Variants in PRKCE observed in about 807,000 individuals in gnomAD.
PRKCE encodes the protein protein kinase C epsilon.
PRKCE carries 16 observed loss-of-function variants against 85.4 expected under a neutral mutation model. The observed-to-expected ratio is 0.19, with a 90% CI of 0.13 to 0.28. PRKCE has a LOEUF of 0.28. PRKCE is among the 10% of genes least tolerant of loss of function. PRKCE has a pLI of 1.00. For missense variants in PRKCE, 573 were observed against 975.2 expected (o/e 0.59, Z 5.49); for synonymous variants, 388 against 371.5 (o/e 1.04, Z -0.51).
intron 1 of PRKCE, chr2:45,675,499 C>G (rs1017177066): frequency 3.9e-5 from 6 of 152,210 alleles, no homozygotes; most frequent in African/African-American, 1.2e-4. Flanking sequence ...TGAATCATAA[C>G]AGTTGCATTT....
At chr2:45,867,175 C>A (rs372618298) in intron 2 of PRKCE, among the ~76,000 whole-genome samples, 2 of 152,126 alleles carry the variant, frequency 1.3e-5, no homozygotes, top group African/African-American at 4.8e-5. Flanking sequence ...AAAATCCAGA[C>A]AGAAAAACAG....
intron 1 of PRKCE, among the ~76,000 whole-genome samples, chr2:45,840,947 G>T (rs2105471923): frequency 6.6e-6 from 1 of 152,234 alleles, no homozygotes; most frequent in Admixed American, 6.5e-5. Flanking sequence ...TCCTTCCTGG[G>T]GACAGAGCCT....
At position 45,849,578 on chromosome 2, in the gene PRKCE, G is replaced by A. The variant is rs771739583; in HGVS notation, c.412+6515G>A. 2.3e-4 allele frequency among the ~76,000 whole-genome samples: 35 copies of A among 152,148 alleles called. 1 individual carries two copies. The highest frequency in any genetic ancestry group is 3.8e-4 in the Non-Finnish European group (26 of 68,034). ...TCCCAAACAGGGGACCTCAAAGCCA[G>A]ACACCAGCTCCAAGGTGCTGATCAG... On this transcript the variant is annotated intron_variant, in intron 2 of 14. Coordinates refer to ENST00000306156, the MANE Select transcript of PRKCE (RefSeq NM_005400.3).
intron 14 of PRKCE, among the ~76,000 whole-genome samples, chr2:46,179,194 A>T (rs1313946008): frequency 1.3e-5 from 2 of 152,178 alleles, no homozygotes; most frequent in African/African-American, 4.8e-5. Context: ...CTTTAAAACA[A>T]AGTCATCTGT....
At chr2:46,002,047 A>G (rs1704729300) in intron 7 of PRKCE, among the ~76,000 whole-genome samples, 1 of 152,254 alleles carries the variant, frequency 6.6e-6, no homozygotes, top group African/African-American at 2.4e-5. Flanking sequence ...TCACGACATG[A>G]AACATCTGGG....
intron 1 of PRKCE, among the ~76,000 whole-genome samples, chr2:45,812,884 T>C (rs75428056): frequency 0.017 from 2,622 of 152,314 alleles, 88 homozygotes; most frequent in African/African-American, 0.061. Flanking sequence ...GCAAAAATAA[T>C]AGTCCGCCAG....
chr2:45,955,515 A>G (rs1205852987), intron 2 of PRKCE, among the ~76,000 whole-genome samples: 2 of 152,190 alleles, frequency 1.3e-5, no homozygotes, highest in Non-Finnish European at 2.9e-5. Context: ...TCCTAGTTAT[A>G]GGCTATTTAC....
chr2:45,801,058 T>G (rs1431450095), intron 1 of PRKCE, among the ~76,000 whole-genome samples: 1 of 151,844 alleles, frequency 6.6e-6, no homozygotes, highest in African/African-American at 2.4e-5. Context: ...GGGAACAGCA[T>G]AAGTGAAAGC....
intron 10 of PRKCE, among the ~76,000 whole-genome samples, chr2:46,018,788 G>A (rs1461363970): frequency 6.6e-6 from 1 of 152,164 alleles, no homozygotes; most frequent in East Asian, 1.9e-4. Flanking sequence ...TAGTAATATA[G>A]TAGAGCTATT....
intron 6 of PRKCE, among the ~76,000 whole-genome samples, chr2:45,985,266 C>T (rs983095361): frequency 1.3e-5 from 2 of 152,204 alleles, no homozygotes; most frequent in African/African-American, 4.8e-5. Flanking sequence ...CCTTGACTCT[C>T]GCGTCCTCAG....
Position 45,997,354 on chromosome 2 carries a change from A to G in PRKCE, c.824-4050A>G, listed in dbSNP as rs1205398017. 5.3e-5 allele frequency among the ~76,000 whole-genome samples: 8 copies of G among 152,036 alleles called. No homozygotes were observed. The South Asian group carries it at 1.5e-3, about 28-fold the overall frequency. ...TCTTATTATTTCTTTTCTCCTGCTT[A>G]CTTTGGATTTAAGTAAGCTACTTTG... On this transcript the variant is annotated intron_variant, in intron 6 of 14. Transcript: ENST00000306156.
chr2:45,862,056 C>T (rs1457801416), intron 2 of PRKCE, among the ~76,000 whole-genome samples: 1 of 152,076 alleles, frequency 6.6e-6, no homozygotes, highest in South Asian at 2.1e-4. Context: ...GGGACTTATG[C>T]TCCCCACGTA....
intron 10 of PRKCE, among the ~76,000 whole-genome samples, chr2:46,062,020 G>A (rs949802534): frequency 2.0e-5 from 3 of 151,698 alleles, no homozygotes; most frequent in African/African-American, 4.8e-5. Flanking sequence ...GTGCCACCAC[G>A]CCCGGCTAAT....
At chr2:45,696,959 C>G (rs1374005434) in intron 1 of PRKCE, among the ~76,000 whole-genome samples, 1 of 152,216 alleles carries the variant, frequency 6.6e-6, no homozygotes, top group Non-Finnish European at 1.5e-5. Flanking sequence ...GGGCCCCACA[C>G]CCCACTTCCT....
intron 1 of PRKCE, among the ~76,000 whole-genome samples, chr2:45,841,757 A>T (rs1395052343): frequency 6.6e-6 from 1 of 152,270 alleles, no homozygotes; most frequent in African/African-American, 2.4e-5. Flanking sequence ...GGGCTAATTA[A>T]TTCTGACTGG....
chr2:45,744,029 A>G (rs868093833), intron 1 of PRKCE, among the ~76,000 whole-genome samples: 11 of 151,224 alleles, frequency 7.3e-5, no homozygotes, highest in Non-Finnish European at 1.5e-4. Context: ...TGCATCTAAT[A>G]AAAATGATGT....
chr2:45,890,625 C>T (rs1332262101), intron 2 of PRKCE, among the ~76,000 whole-genome samples: 1 of 152,190 alleles, frequency 6.6e-6, no homozygotes, highest in Non-Finnish European at 1.5e-5. Context: ...AAGTGATCTG[C>T]CTGCCTCAGC....
rs768398996 is a variant in PRKCE at position 45,794,532 on chromosome 2, C to A, written c.349-48468C>A. Among the ~76,000 whole-genome samples, 4 of 152,210 alleles carry A rather than the reference C, an allele frequency of 2.6e-5. No individual in the cohort carries two copies. In the East Asian group the frequency reaches 7.7e-4, roughly 29 times the overall value. ...GTATTCTAGCACGGACCCTGATGCA[C>A]GGCTTTCTGTGGTTTCAAGCGCCTG... On this transcript the variant is annotated intron_variant, in intron 1 of 14. Transcript: ENST00000306156.
intron 10 of PRKCE, among the ~76,000 whole-genome samples, chr2:46,024,683 T>G (rs546501490): frequency 1.3e-5 from 2 of 152,308 alleles, no homozygotes; most frequent in Non-Finnish European, 2.9e-5. Flanking sequence ...GAAGGTCCAG[T>G]AAAGTGTCCA....
Sources: allele counts gnomAD v4.1 joint callset (sites outside exome capture counted in the v4.1 genomes callset), GRCh38; gene constraint gnomAD v4.1.1; transcripts MANE v1.5; gene names NCBI Gene and HGNC (gene_info 2026-07-23, HGNC 2026-07-21).